Variants in LRMDA observed in about 807,000 individuals in gnomAD.
The protein encoded by LRMDA is leucine-rich melanocyte differentiation-associated protein.
Under a neutral mutation model 29.8 loss-of-function variants are expected in LRMDA, and 18 were observed. That is an observed-to-expected ratio of 0.60 (90% CI 0.42 to 0.90). LRMDA has a LOEUF of 0.90. Ranked by LOEUF, LRMDA falls within the 40% of genes least tolerant of loss-of-function variation. The pLI is 0.00. For missense variants in LRMDA, 273 were observed against 273.9 expected (o/e 1.00, Z 0.02); for synonymous variants, 125 against 109.4 (o/e 1.14, Z -0.89).
chr10:76,473,706 A>T (rs1171286594), intron 6 of LRMDA, among the ~76,000 whole-genome samples: 1 of 151,712 alleles, frequency 6.6e-6, no homozygotes, highest in Non-Finnish European at 1.5e-5. Context: ...AGAAACATCC[A>T]TCGTAATTGT....
At chr10:75,533,494 G>T (rs1002567405) in intron 2 of LRMDA, among the ~76,000 whole-genome samples, 8 of 152,102 alleles carry the variant, frequency 5.3e-5, no homozygotes, top group Non-Finnish European at 1.2e-4. Flanking sequence ...AGTTTTTATG[G>T]GTCTGAGTAA....
At chr10:75,561,324 AG>A (rs1434981255) in intron 2 of LRMDA, among the ~76,000 whole-genome samples, 1 of 148,592 alleles carries the variant, frequency 6.7e-6, no homozygotes, top group Non-Finnish European at 1.5e-5. Context: ...ATTTGCGTAG[AG>A]GTGTTTGTAG....
In LRMDA at chr10:75,985,147, G is replaced by A. The variant is rs140106196; in HGVS notation, c.132-50861G>A. Among the ~76,000 whole-genome samples, 1,002 of 152,104 alleles carry A rather than the reference G, an allele frequency of 6.6e-3. 6 individuals carry two copies. The highest frequency in any genetic ancestry group is 0.012 in the Admixed American group (184 of 15,282). On this transcript the variant is annotated intron_variant, in intron 2 of 6. Transcript: ENST00000611255. ...ATATTTATTTTTTTCTGACTTTGAG[G>A]GAGAATTCTGAGAAACGATGGAAAT... is the stretch of plus-strand genomic sequence containing the variant.
At chr10:76,323,600 A>G (rs577712553) in intron 5 of LRMDA, among the ~76,000 whole-genome samples, 28 of 152,140 alleles carry the variant, frequency 1.8e-4, no homozygotes, top group South Asian at 1.5e-3. Context: ...CATACTGGCC[A>G]TTGGTTCTGA....
At chr10:75,662,214 C>T (rs1841762111) in intron 2 of LRMDA, among the ~76,000 whole-genome samples, 1 of 151,942 alleles carries the variant, frequency 6.6e-6, no homozygotes, top group Admixed American at 6.6e-5. Context: ...GGTGGTAATA[C>T]ACACAGTAGA....
At chr10:75,909,386 A>C (rs1011696166) in intron 2 of LRMDA, among the ~76,000 whole-genome samples, 1 of 152,238 alleles carries the variant, frequency 6.6e-6, no homozygotes, top group Non-Finnish European at 1.5e-5. Context: ...CTCTAGGCTC[A>C]TGGAACCTCT....
At chr10:76,366,936 C>T (rs1360290510) in intron 6 of LRMDA, among the ~76,000 whole-genome samples, 1 of 152,086 alleles carries the variant, frequency 6.6e-6, no homozygotes, top group African/African-American at 2.4e-5. Context: ...CTTGTGTGCC[C>T]ATTTTGCTAA....
intron 2 of LRMDA, among the ~76,000 whole-genome samples, chr10:75,720,008 T>C (rs570578613): frequency 6.6e-6 from 1 of 152,244 alleles, no homozygotes; most frequent in Admixed American, 6.5e-5. Flanking sequence ...ATATCTTTCT[T>C]CTCTATTTAA....
At chr10:75,500,137 T>C (rs1845094418) in intron 2 of LRMDA, among the ~76,000 whole-genome samples, 1 of 152,080 alleles carries the variant, frequency 6.6e-6, no homozygotes. Flanking sequence ...CTGACTGAGG[T>C]AGGGGGCTGG....
At chr10:76,091,276 CGTGTGTGTGTGT>C (rs56145957) in intron 5 of LRMDA, among the ~76,000 whole-genome samples, 54,365 of 146,866 alleles carry the variant, frequency 0.37, 10,363 homozygotes, top group Non-Finnish European at 0.44. Context: ...ACATGGTGGA[CGTGTGTGTGTGT>C]GTGTGTGTGT....
chr10:75,561,837 A>G (rs1428735445), intron 2 of LRMDA, among the ~76,000 whole-genome samples: 3 of 149,416 alleles, frequency 2.0e-5, no homozygotes, highest in East Asian at 1.9e-4. Flanking sequence ...GTAGTTGAGC[A>G]GTTTTGAGTG....
chr10:76,060,046 T>C (rs952705661), intron 5 of LRMDA, among the ~76,000 whole-genome samples: 2 of 152,228 alleles, frequency 1.3e-5, no homozygotes, highest in Admixed American at 1.3e-4. Context: ...GCTTTTGTAA[T>C]TTTTCCAAAT....
chr10:76,148,925 G>T (rs369913543), intron 5 of LRMDA, among the ~76,000 whole-genome samples: 4 of 152,132 alleles, frequency 2.6e-5, no homozygotes, highest in African/African-American at 4.8e-5. Flanking sequence ...GAATAGAGTC[G>T]CTGAGTCTTT....
chr10:75,517,735 G>A (rs1160218593), intron 2 of LRMDA, among the ~76,000 whole-genome samples: 7 of 152,088 alleles, frequency 4.6e-5, no homozygotes, highest in African/African-American at 7.2e-5. Flanking sequence ...TTCTAACACT[G>A]TGTTGAATAG....
chr10:75,702,553 A>G (rs1408958960), intron 2 of LRMDA, among the ~76,000 whole-genome samples: 2 of 152,190 alleles, frequency 1.3e-5, no homozygotes, highest in Non-Finnish European at 2.9e-5. Flanking sequence ...ACCGAGGCCA[A>G]CTGTGGAAGG....
chr10:75,928,406 A>T (rs1355916480), intron 2 of LRMDA, among the ~76,000 whole-genome samples: 1 of 152,108 alleles, frequency 6.6e-6, no homozygotes, highest in Non-Finnish European at 1.5e-5. Flanking sequence ...TCCTTTTCAC[A>T]AGAAAATAAC....
rs1456183744 is a variant in LRMDA, at chr10:76,254,408, G to GCTATGCTATGCTATA, written c.517-69984_517-69983insGCTATACTATGCTAT. On this transcript the variant is annotated intron_variant, in intron 5 of 6. Coordinates refer to ENST00000611255, the MANE Select transcript of LRMDA (RefSeq NM_001305581.2). The stretch of plus-strand genomic sequence containing the variant: ...GCTATGCTATGCTATGCTATGCTAT[G>GCTATGCTATGCTATA]CTATGCTATACTATACTATACTGAA... Among the ~76,000 whole-genome samples the GCTATGCTATGCTATA allele has an allele frequency of 3.4e-5, 5 of 145,136 alleles. No individual in the cohort carries two copies. The East Asian group carries it at 9.1e-4, about 26-fold the overall frequency.
intron 2 of LRMDA, among the ~76,000 whole-genome samples, chr10:75,943,286 A>G (rs1331159353): frequency 6.6e-6 from 1 of 152,154 alleles, no homozygotes; most frequent in African/African-American, 2.4e-5. Context: ...GGAATCTCCT[A>G]TGACACTCAT....
At chr10:75,618,388 A>C (rs200302103) in intron 2 of LRMDA, among the ~76,000 whole-genome samples, 2,909 of 120,100 alleles carry the variant, frequency 0.024, 42 homozygotes, top group African/African-American at 0.047. Context: ...CTCTCTATAT[A>C]TATATATATA....
Sources: allele counts gnomAD v4.1 joint callset (sites outside exome capture counted in the v4.1 genomes callset), GRCh38; gene constraint gnomAD v4.1.1; transcripts MANE v1.5; gene names NCBI Gene and HGNC (gene_info 2026-07-23, HGNC 2026-07-21).